MAP2K2: variants seen among roughly 807,000 people sequenced by gnomAD.
MAP2K2 encodes the protein dual specificity mitogen-activated protein kinase kinase 2.
A neutral mutation model predicts 43.7 loss-of-function variants in MAP2K2; 24 were observed. That is an observed-to-expected ratio of 0.55 (90% CI 0.40 to 0.77). MAP2K2 has a LOEUF of 0.77. Ranked by LOEUF, MAP2K2 falls within the 30% of genes least tolerant of loss-of-function variation. The probability of loss-of-function intolerance (pLI) is 0.00; values close to 1 mark genes in which losing one functional copy is unlikely to be tolerated. For missense variants in MAP2K2, 470 were observed against 566.8 expected, an observed-to-expected ratio of 0.83 and a Z score of 1.73; for synonymous variants, 244 against 239.7, an observed-to-expected ratio of 1.02 and a Z score of -0.17.
At chr19:4,116,473 T>C (rs2041222396) in intron 2 of MAP2K2, among the ~76,000 whole-genome samples, 1 of 151,402 alleles carries the variant, frequency 6.6e-6, no homozygotes, top group Non-Finnish European at 1.5e-5. Flanking sequence ...GAGGTTGCAG[T>C]GAGCCAAGAT....
intron 2 of MAP2K2, among the ~76,000 whole-genome samples, chr19:4,116,257 G>A (rs1297347156): frequency 2.0e-5 from 3 of 152,214 alleles, no homozygotes; most frequent in South Asian, 4.1e-4. Flanking sequence ...CTGCCCAGGC[G>A]CGGTGGCTCA....
At chr19:4,112,676 C>G (rs916744060) in intron 2 of MAP2K2, among the ~76,000 whole-genome samples, 1 of 152,086 alleles carries the variant, frequency 6.6e-6, no homozygotes, top group African/African-American at 2.4e-5. Flanking sequence ...CTGCCCGCCC[C>G]TGCCTGCCCC....
intron 2 of MAP2K2, among the ~76,000 whole-genome samples, chr19:4,114,399 G>A (rs1259520341): frequency 6.6e-6 from 1 of 152,222 alleles, no homozygotes; most frequent in African/African-American, 2.4e-5. Context: ...GGTACTGTGA[G>A]GTGGCCTTGG....
At chr19:4,095,929 T>C (rs957159486) in intron 8 of MAP2K2, among the ~76,000 whole-genome samples, 7 of 152,200 alleles carry the variant, frequency 4.6e-5, no homozygotes, top group Non-Finnish European at 7.3e-5. Context: ...TGCCCACCAC[T>C]GCGCCTGGCT....
chr19:4,111,835 C>T (rs1213795653), intron 2 of MAP2K2, among the ~76,000 whole-genome samples: 2 of 152,144 alleles, frequency 1.3e-5, no homozygotes, highest in Non-Finnish European at 2.9e-5. Flanking sequence ...CGCCTGTAAT[C>T]CCAGCTACTC....
At chr19:4,096,612 C>T (rs150695191) in intron 8 of MAP2K2, among the ~76,000 whole-genome samples, 140 of 152,334 alleles carry the variant, frequency 9.2e-4, no homozygotes, top group South Asian at 8.1e-3. Context: ...GGAGCCACCC[C>T]GGGACCTACA....
chr19:4,099,713 C>G (rs955691459), intron 6 of MAP2K2: 3 of 462,762 alleles, frequency 6.5e-6, no homozygotes, highest in Non-Finnish European at 7.8e-6. Flanking sequence ...GGGGCCTCCT[C>G]CTCCACAGCT....
intron 1 of MAP2K2, among the ~76,000 whole-genome samples, chr19:4,120,922 C>T (rs2041284850): frequency 6.9e-6 from 1 of 145,484 alleles, no homozygotes; most frequent in Non-Finnish European, 1.6e-5. Flanking sequence ...ACATTGGCAT[C>T]AAGAGTCTTC....
rs115202186 is a variant in MAP2K2 at position 4,124,081 on chromosome 19, C to A, written c.-206G>T. 4,002 of 213,548 alleles carry A rather than the reference C, an allele frequency of 0.019. 113 individuals are homozygous for A. The highest frequency in any genetic ancestry group is 0.08 in the South Asian group (434 of 5,402). The allele number at this position is 213,548 out of a possible 1,614,324, so 13.2% of individuals were successfully genotyped here. A position where few individuals can be genotyped will look rare whatever the true frequency, so the allele number is the denominator to read the frequency against. ...GAGGCGAGCGAGCCGCTACCGCTGC[C>A]GAGGCCCGAAGAAGGCTGACGCCGC... On this transcript the variant is annotated 5_prime_UTR_variant, in exon 1 of 11. Transcript: ENST00000262948.
At chr19:4,092,563 T>C (rs2040864528) in intron 10 of MAP2K2, among the ~76,000 whole-genome samples, 1 of 152,050 alleles carries the variant, frequency 6.6e-6, no homozygotes. Flanking sequence ...CACTCCAGCC[T>C]GGGCAACAGA....
At chr19:4,094,541 C>G (rs1212986837) in intron 9 of MAP2K2, 43 bp from the exon 10 acceptor site, 1 of 1,551,506 alleles carries the variant, frequency 6.4e-7, no homozygotes, top group African/African-American at 1.4e-5. Flanking sequence ...GTGGAGGAGA[C>G]AAGACAGGGC....
At chr19:4,109,909 C>A (rs1031471794) in intron 3 of MAP2K2, among the ~76,000 whole-genome samples, 1 of 152,116 alleles carries the variant, frequency 6.6e-6, no homozygotes, top group Admixed American at 6.5e-5. Flanking sequence ...AACCTACGTA[C>A]CCCCCAAAAC....
intron 10 of MAP2K2, among the ~76,000 whole-genome samples, chr19:4,091,412 G>A (rs2040853232): frequency 6.6e-6 from 1 of 151,652 alleles, no homozygotes; most frequent in Non-Finnish European, 1.5e-5. Context: ...GAGTGCAGTG[G>A]TGTGATCTTA....
At chr19:4,102,911 G>A in intron 3 of MAP2K2, 1 of 1,151,040 alleles carries the variant, frequency 8.7e-7, no homozygotes, top group Non-Finnish European at 1.1e-6. Flanking sequence ...GGGAAGGGGA[G>A]GGTGAGGGCG....
chr19:4,102,312 GCC>G, intron 4 of MAP2K2, 62 bp downstream of exon 4: 2 of 1,397,984 alleles, frequency 1.4e-6, no homozygotes, highest in Non-Finnish European at 2.0e-6. Flanking sequence ...CGGAACCCTG[GCC>G]GTGTGGAAGA....
chr19:4,095,517 C>A (rs2040906235), intron 8 of MAP2K2, 68 bp from the exon 9 acceptor site: 4 of 1,323,100 alleles, frequency 3.0e-6, no homozygotes, highest in Non-Finnish European at 4.2e-6. Context: ...GCAGCCCTCT[C>A]TACCCCTCAC....
chr19:4,114,664 C>T (rs2041198364), intron 2 of MAP2K2, among the ~76,000 whole-genome samples: 1 of 152,220 alleles, frequency 6.6e-6, no homozygotes, highest in Admixed American at 6.5e-5. Flanking sequence ...AATACCGAGA[C>T]TGGGCCAGGC....
At position 4,101,362 on chromosome 19, in the gene MAP2K2, A is replaced by G. The variant is rs1599289908; in HGVS notation, c.529-82T>C. 6.9e-7 allele frequency: 1 copy of G among 1,458,728 alleles called. No homozygotes were observed. The highest frequency in any genetic ancestry group is 2.5e-5 in the East Asian group (1 of 40,508). The allele number at this position is 1,458,728 out of a possible 1,614,324, so 90.4% of individuals were successfully genotyped here. A position where few individuals can be genotyped will look rare whatever the true frequency, so the allele number is the denominator to read the frequency against. On this transcript the variant is annotated intron_variant, in intron 4 of 10. Coordinates refer to ENST00000262948, the MANE Select transcript of MAP2K2 (RefSeq NM_030662.4). This position sits in a 1 kb window ranked among gnomAD's most constrained non-coding sequence, Gnocchi z 6.3. ...CCGAGCCCGGGGGTCAGAGCTGAGCAGTCAGAGCTGGAGCGAGGGAGCTGC... is the reference window on the plus strand; with the variant it reads ...CCGAGCCCGGGGGTCAGAGCTGAGCGGTCAGAGCTGGAGCGAGGGAGCTGC...
chr19:4,115,589 C>T lies in MAP2K2; in HGVS notation c.303+1830G>A, dbSNP rs185335629. Among the ~76,000 whole-genome samples, 9 of 152,136 alleles carry T rather than the reference C, an allele frequency of 5.9e-5. No individual in the cohort carries two copies. Among genetic ancestry groups the T allele is most frequent in the African/African-American group, 9.7e-5 (4 of 41,422 alleles). On this transcript the variant is annotated intron_variant, in intron 2 of 10. Transcript: ENST00000262948. This position sits in a 1 kb window ranked among gnomAD's most constrained non-coding sequence, Gnocchi z 4.1. ...GGTTTGGAAGAGGCTGCCTGCAGTA[C>T]GGGGACAGAAATAGCAAGTCCGCGG...
Sources: gnomAD v4.1 joint callset for allele counts (sites outside exome capture counted in the v4.1 genomes callset) on GRCh38, gnomAD v4.1.1 for gene constraint, Gnocchi (gnomAD v3.1) non-coding constraint, MANE v1.5 for transcripts, NCBI Gene and HGNC (gene_info 2026-07-23, HGNC 2026-07-21) for gene names.